MRPL3: variants seen among roughly 807,000 people sequenced by gnomAD.
MRPL3 encodes the protein mitochondrial ribosomal protein L3, also known as large ribosomal subunit protein uL3m.
In MRPL3, 43 loss-of-function variants were observed where a neutral mutation model predicts 44.3. The observed-to-expected ratio is 0.97, with a 90% CI of 0.76 to 1.25. The LOEUF (loss-of-function observed/expected upper bound fraction) is 1.25. Ranked by LOEUF, MRPL3 falls within the 50% of genes most tolerant of loss-of-function variation. The pLI is 0.00. For synonymous variants in MRPL3, 171 were observed against 152.3 expected (o/e 1.12, Z -0.91); for missense variants, 406 against 427.6 (o/e 0.95, Z 0.45).
At chr3:131,479,139 TG>T (rs1559819978) in intron 6 of MRPL3, 1 of 518,668 alleles carries the variant, frequency 1.9e-6, no homozygotes, top group South Asian at 1.4e-5. Context: ...CTGATGAAGC[TG>T]GTTAGAGCTG....
At chr3:131,469,279 A>G (rs1417130251) in intron 8 of MRPL3, among the ~76,000 whole-genome samples, 1 of 151,018 alleles carries the variant, frequency 6.6e-6, no homozygotes, top group African/African-American at 2.4e-5. Context: ...AGAACCTGGT[A>G]TATACCCTTC....
At chr3:131,469,837 C>A in intron 7 of MRPL3, 64 bp from the exon 8 acceptor site, 1 of 991,556 alleles carries the variant, frequency 1.0e-6, no homozygotes, top group South Asian at 1.5e-5. Flanking sequence ...ACTGATCAAA[C>A]CACAATGTAA....
intron 6 of MRPL3, 190 bp from the exon 7 acceptor site, chr3:131,471,469 C>T (rs1582703109): frequency 3.7e-6 from 2 of 534,874 alleles, no homozygotes; most frequent in Admixed American, 6.7e-5. Flanking sequence ...TGGTCTGCAC[C>T]CCTTCCTGGA....
At chr3:131,469,985 A>G (rs1933705624) in intron 7 of MRPL3, among the ~76,000 whole-genome samples, 1 of 152,138 alleles carries the variant, frequency 6.6e-6, no homozygotes, top group Admixed American at 6.6e-5. Context: ...TAAAATAAAT[A>G]CAGACTAAGA....
chr3:131,498,352 C>A lies in MRPL3; in HGVS notation c.370-75G>T, dbSNP rs73870983. On this transcript the variant is annotated intron_variant, in intron 3 of 9. Coordinates refer to ENST00000264995, the MANE Select transcript of MRPL3 (RefSeq NM_007208.4). ...ACATTACAAACCAGCCCCATTGAGA[C>A]CTTAGGACAAATAGGAATTCCCTAC... 4.7e-3 allele frequency: 4,195 copies of A among 883,528 alleles called. 75 individuals carry two copies. The highest frequency in any genetic ancestry group is 0.027 in the South Asian group (1,795 of 65,918). 54.7% of individuals were successfully genotyped at this position (883,528 alleles called of 1,614,324 possible).
intron 7 of MRPL3, among the ~76,000 whole-genome samples, chr3:131,470,524 A>T (rs1410503353): frequency 6.6e-6 from 1 of 152,122 alleles, no homozygotes; most frequent in African/African-American, 2.4e-5. Flanking sequence ...CTTAAAAGAC[A>T]ATTCTGAGTA....
At chr3:131,488,441 C>G (rs1207322173) in intron 5 of MRPL3, among the ~76,000 whole-genome samples, 1 of 152,150 alleles carries the variant, frequency 6.6e-6, no homozygotes, top group Non-Finnish European at 1.5e-5. Flanking sequence ...AATCAAAGCC[C>G]TTCATAATAT....
intron 6 of MRPL3, among the ~76,000 whole-genome samples, chr3:131,477,832 A>G (rs577086924): frequency 6.6e-6 from 1 of 152,304 alleles, no homozygotes; most frequent in East Asian, 1.9e-4. Context: ...TTTAAAATAG[A>G]ATCTCTCCAC....
Position 131,471,254 on chromosome 3 carries a change from T to A in MRPL3, c.655A>T (p.Met219Leu), listed in dbSNP as rs1362042320. Residue 219 changes from methionine (M) to leucine (L), a missense_variant, in exon 7 of 10, where the codon ATG becomes TTG. Physicochemically the swap from Met to Leu is conservative, Grantham distance 15. Coordinates refer to ENST00000264995, the MANE Select transcript of MRPL3 (RefSeq NM_007208.4). ...KTIGKGFQGV[M>L]KRWGFKGQPA... ...TGGCCTTTAAATCCCCATCTTTTCA[T>A]GACACCTTGAAAACCTTTACCAATA... 1 of 1,613,144 alleles carries A rather than the reference T, an allele frequency of 6.2e-7. No individual in the cohort carries two copies. Among genetic ancestry groups the A allele is most frequent in the Non-Finnish European group, 8.5e-7 (1 of 1,179,258 alleles).
intron 6 of MRPL3, chr3:131,478,959 C>G (rs1305010121): frequency 2.9e-6 from 1 of 342,308 alleles, no homozygotes; most frequent in African/African-American, 2.2e-5. Flanking sequence ...TCCTAAAGTG[C>G]TGGGATTACA....
intron 4 of MRPL3, among the ~76,000 whole-genome samples, chr3:131,494,212 T>C (rs1031434260): frequency 3.3e-5 from 5 of 152,204 alleles, no homozygotes; most frequent in Non-Finnish European, 1.5e-5. Flanking sequence ...CAAGAAGCTA[T>C]CCTTTCCTCC....
At chr3:131,472,759 T>C (rs1418707833) in intron 6 of MRPL3, among the ~76,000 whole-genome samples, 1 of 151,996 alleles carries the variant, frequency 6.6e-6, no homozygotes, top group East Asian at 1.9e-4. Context: ...ATTGGTAGTG[T>C]TTCTAAATAC....
At position 131,484,350 on chromosome 3, in the gene MRPL3, G is replaced by A. The variant is rs145790138; in HGVS notation, c.629+3330C>T. Among the ~76,000 whole-genome samples, 28 of 152,154 alleles carry A rather than the reference G, an allele frequency of 1.8e-4. No homozygotes were observed. The East Asian group carries it at 4.8e-3, about 26-fold the overall frequency. On this transcript the variant is annotated intron_variant, in intron 6 of 9. Coordinates refer to ENST00000264995, the MANE Select transcript of MRPL3 (RefSeq NM_007208.4). ...CTACAGAATCAGAAGTTCCGTGGGT[G>A]GGGTCCATCAATTTGTGCTCAACTA...
intron 6 of MRPL3, among the ~76,000 whole-genome samples, chr3:131,484,211 G>A (rs1177784075): frequency 6.6e-6 from 1 of 152,144 alleles, no homozygotes; most frequent in African/African-American, 2.4e-5. Context: ...TGGTTTAACT[G>A]ATGAGCTTCT....
intron 2 of MRPL3, 85 bp from the exon 3 acceptor site, chr3:131,500,606 T>G (rs1934475272): frequency 8.9e-7 from 1 of 1,121,868 alleles, no homozygotes; most frequent in African/African-American, 1.5e-5. Context: ...AAAATCAGGT[T>G]TCCGTATGAG....
At chr3:131,484,856 C>T (rs1477362509) in intron 6 of MRPL3, among the ~76,000 whole-genome samples, 1 of 152,196 alleles carries the variant, frequency 6.6e-6, no homozygotes, top group African/African-American at 2.4e-5. Context: ...CAAATAAAGT[C>T]CAATTCATTC....
chr3:131,495,707 C>G (rs2110713776), intron 4 of MRPL3, among the ~76,000 whole-genome samples: 1 of 152,198 alleles, frequency 6.6e-6, no homozygotes, highest in Non-Finnish European at 1.5e-5. Flanking sequence ...TATAGTAATA[C>G]TATTAGTATT....
chr3:131,492,544 G>A (rs1287638254), intron 4 of MRPL3, among the ~76,000 whole-genome samples: 4 of 152,060 alleles, frequency 2.6e-5, no homozygotes, highest in Non-Finnish European at 4.4e-5. Context: ...TAGGGTTTGC[G>A]CTCCTATAAG....
Position 131,462,745 on chromosome 3 carries a change from G to A in MRPL3, c.1025C>T (p.Ala342Val), listed in dbSNP as rs773352157. ...ATGTTAGGCAAATGTAATAGAAGGC[G>A]CACCGGGCTGACACACGTTTTCATC... Reference protein sequence around the residue: ...LYDENVCQPGAPSITFA With the variant: ...LYDENVCQPGVPSITFA The change falls in exon 10 of 10, where the codon GCG becomes GTG. Residue 342 changes from alanine to valine, a missense_variant. Physicochemically the swap from Ala to Val is moderately conservative, Grantham distance 64. Coordinates refer to ENST00000264995, the MANE Select transcript of MRPL3 (RefSeq NM_007208.4). 4 of 1,610,692 alleles carry A rather than the reference G, an allele frequency of 2.5e-6. No individual in the cohort carries two copies. Among genetic ancestry groups the A allele is most frequent in the Admixed American group, 1.7e-5 (1 of 59,780 alleles).
Sources: gnomAD v4.1 joint callset for allele counts (sites outside exome capture counted in the v4.1 genomes callset) on GRCh38, gnomAD v4.1.1 for gene constraint, MANE v1.5 for transcripts, NCBI Gene and HGNC (gene_info 2026-07-23, HGNC 2026-07-21) for gene names.